Variants in EPHA4 observed in about 807,000 individuals in gnomAD.
EPHA4 encodes the protein EPH receptor A4.
Under a neutral mutation model 108.3 loss-of-function variants are expected in EPHA4, and 19 were observed. That is an observed-to-expected ratio of 0.18 (90% confidence interval 0.12 to 0.26). EPHA4 has a LOEUF of 0.26. Among genes scored for constraint, EPHA4 ranks in the 10% least tolerant of loss-of-function variants. EPHA4 has a pLI of 1.00. For missense variants in EPHA4, 917 were observed against 1,254.0 expected (o/e 0.73, Z 4.06); for synonymous variants, 449 against 455.5 (o/e 0.99, Z 0.18).
At chr2:221,510,809 T>G (rs995221625) in intron 3 of EPHA4, among the ~76,000 whole-genome samples, 7 of 152,226 alleles carry the variant, frequency 4.6e-5, no homozygotes, top group African/African-American at 7.2e-5. Context: ...CTATTTCTCT[T>G]TGGTGAGTTT....
At chr2:221,439,450 C>T (rs548981432) in intron 11 of EPHA4, among the ~76,000 whole-genome samples, 2 of 150,978 alleles carry the variant, frequency 1.3e-5, no homozygotes, top group Middle Eastern at 3.5e-3. Context: ...GAGCCAAGAT[C>T]GTGCCACTGC....
At chr2:221,429,547 C>G (rs1299310142) in intron 15 of EPHA4, among the ~76,000 whole-genome samples, 3 of 152,074 alleles carry the variant, frequency 2.0e-5, no homozygotes, top group Non-Finnish European at 4.4e-5. Flanking sequence ...TTAAAATTGC[C>G]GTGCTTAAAG....
At chr2:221,518,253 A>G (rs929624123) in intron 3 of EPHA4, among the ~76,000 whole-genome samples, 2 of 152,042 alleles carry the variant, frequency 1.3e-5, no homozygotes, top group African/African-American at 4.8e-5. Context: ...TCCAATGCAA[A>G]ATGGTCCTCA....
At chr2:221,440,711 T>A (rs1448318791) in intron 11 of EPHA4, among the ~76,000 whole-genome samples, 2 of 151,536 alleles carry the variant, frequency 1.3e-5, no homozygotes, top group Admixed American at 6.6e-5. Context: ...TCTGAAAAAA[T>A]TTGCTATTGT....
In EPHA4 at chr2:221,563,200, C is replaced by T. The variant is rs73089679; in HGVS notation, c.823+531G>A. Among the ~76,000 whole-genome samples, 501 of 152,280 alleles carry T rather than the reference C, an allele frequency of 3.3e-3. 2 individuals are homozygous for T. The highest frequency in any genetic ancestry group is 0.011 in the African/African-American group (466 of 41,550). ...GCAATGTCCCTCCACTTTGTTGGGT[C>T]ATATCTCCACCGGTCCACAAGGCAG... On this transcript the variant is annotated intron_variant, in intron 3 of 17. Transcript: ENST00000281821.
chr2:221,452,766 G>A (rs1449612231), intron 8 of EPHA4, among the ~76,000 whole-genome samples: 1 of 151,974 alleles, frequency 6.6e-6, no homozygotes, highest in Non-Finnish European at 1.5e-5. Context: ...AACTCGACAG[G>A]CTCAATTCTC....
At chr2:221,447,901 C>T (rs1690645058) in intron 8 of EPHA4, among the ~76,000 whole-genome samples, 1 of 151,514 alleles carries the variant, frequency 6.6e-6, no homozygotes, top group Non-Finnish European at 1.5e-5. Context: ...GAGTGCAGTG[C>T]TATGATCTCA....
intron 3 of EPHA4, among the ~76,000 whole-genome samples, chr2:221,542,567 A>G (rs376748186): frequency 3.9e-5 from 6 of 152,224 alleles, no homozygotes; most frequent in African/African-American, 1.4e-4. Context: ...CCCTAAAGGC[A>G]TTCTGTAAAA....
At chr2:221,443,344 TAACACATGATA>T in intron 10 of EPHA4, 138 bp downstream of exon 10, 1 of 601,596 alleles carries the variant, frequency 1.7e-6, no homozygotes, top group Non-Finnish European at 2.9e-6. Flanking sequence ...GAGTTCTTTA[TAACACATGATA>T]TTTTATACTC....
At position 221,568,796 on chromosome 2, in the gene EPHA4, C is replaced by A; in HGVS notation, c.92-11G>T. 1.2e-6 allele frequency: 2 copies of A among 1,609,800 alleles called. No homozygotes were observed. Among genetic ancestry groups the A allele is most frequent in the Non-Finnish European group, 8.5e-7 (1 of 1,178,290 alleles). On this transcript the variant is annotated splice_polypyrimidine_tract_variant and intron_variant, in intron 1 of 17. Transcript: ENST00000281821. Reference sequence around the variant, plus strand: ...AATCCAATAAGGTAACTGCAAAAAACAAAAGAAAAATAGATGAATTTCCAA... The same window carrying A: ...AATCCAATAAGGTAACTGCAAAAAAAAAAAGAAAAATAGATGAATTTCCAA...
chr2:221,422,475 A>G (rs1193543716), intron 17 of EPHA4, among the ~76,000 whole-genome samples: 1 of 152,240 alleles, frequency 6.6e-6, no homozygotes, highest in Non-Finnish European at 1.5e-5. Flanking sequence ...ACATCTGGAT[A>G]TCAATAGATA....
chr2:221,440,240 A>G (rs976114321), intron 11 of EPHA4, among the ~76,000 whole-genome samples: 1 of 152,178 alleles, frequency 6.6e-6, no homozygotes, highest in Admixed American at 6.5e-5. Context: ...ATGCAAATGC[A>G]TCCAGTCGTT....
intron 8 of EPHA4, among the ~76,000 whole-genome samples, chr2:221,451,363 T>C (rs1690779530): frequency 6.6e-6 from 1 of 152,162 alleles, no homozygotes; most frequent in African/African-American, 2.4e-5. Context: ...TTAGCATAGA[T>C]TCAGTCATTA....
chr2:221,471,495 G>A (rs1691487468), intron 5 of EPHA4, among the ~76,000 whole-genome samples: 1 of 152,124 alleles, frequency 6.6e-6, no homozygotes, highest in Non-Finnish European at 1.5e-5. Context: ...GGAAGTTATT[G>A]GAAGTTAATG....
chr2:221,499,737 TATATATATATA>T (rs1559267596), intron 4 of EPHA4, among the ~76,000 whole-genome samples: 10 of 52,218 alleles, frequency 1.9e-4, no homozygotes, highest in African/African-American at 1.1e-3. Context: ...TATATATATA[TATATATATATA>T]TATATATATT....
chr2:221,433,264 G>A (rs1228473747), intron 14 of EPHA4, among the ~76,000 whole-genome samples: 1 of 152,132 alleles, frequency 6.6e-6, no homozygotes, highest in Admixed American at 6.5e-5. Flanking sequence ...ACCACAGAGA[G>A]AATTTTTGAA....
chr2:221,548,447 G>C (rs1694067407), intron 3 of EPHA4, among the ~76,000 whole-genome samples: 1 of 151,952 alleles, frequency 6.6e-6, no homozygotes, highest in African/African-American at 2.4e-5. Context: ...CCTTTGCCTT[G>C]GGACATGAGT....
intron 12 of EPHA4, 52 bp downstream of exon 12, chr2:221,437,009 G>A (rs1690262115): frequency 7.5e-7 from 1 of 1,341,844 alleles, no homozygotes. Flanking sequence ...GACTCTGTTA[G>A]GAGTTTTCTA....
At chr2:221,501,270 G>A (rs1692482047) in intron 3 of EPHA4, 98 bp from the exon 4 acceptor site, 7 of 1,092,838 alleles carry the variant, frequency 6.4e-6, no homozygotes, top group Non-Finnish European at 7.6e-6. Flanking sequence ...GAAGGGAGAC[G>A]TTCTTGCTAA....
Sources: gnomAD v4.1 joint callset for allele counts (sites outside exome capture counted in the v4.1 genomes callset) on GRCh38, gnomAD v4.1.1 for gene constraint, MANE v1.5 for transcripts, NCBI Gene and HGNC (gene_info 2026-07-23, HGNC 2026-07-21) for gene names.